The following FAM168A variants were observed in gnomAD, a reference collection of about 807,000 sequenced individuals.
FAM168A encodes the protein protein FAM168A.
Under a neutral mutation model 28.5 loss-of-function variants are expected in FAM168A, and 3 were observed. The ratio of observed to expected loss-of-function variants is 0.11; its 90% CI spans 0.05 to 0.27. The LOEUF (loss-of-function observed/expected upper bound fraction) is 0.27. FAM168A is among the 10% of genes least tolerant of loss of function. The pLI is 1.00. For synonymous variants in FAM168A, 122 were observed against 124.2 expected, an observed-to-expected ratio of 0.98 and a Z score of 0.12; for missense variants, 222 against 311.5, an observed-to-expected ratio of 0.71 and a Z score of 2.16.
At chr11:73,545,051 A>ATAATTATAT (rs1943727742) in intron 1 of FAM168A, among the ~76,000 whole-genome samples, 1 of 106,098 alleles carries the variant, frequency 9.4e-6, no homozygotes, top group African/African-American at 4.4e-5. Flanking sequence ...TTTTGGAGAC[A>ATAATTATAT]GTCTCCCTCT....
chr11:73,511,170 T>C (rs1380793654), intron 1 of FAM168A, among the ~76,000 whole-genome samples: 1 of 151,704 alleles, frequency 6.6e-6, no homozygotes, highest in East Asian at 1.9e-4. Context: ...GCCTTCTCAA[T>C]TGTCAGGTTT....
chr11:73,424,647 T>C (rs1027726396), intron 3 of FAM168A, among the ~76,000 whole-genome samples: 1 of 152,126 alleles, frequency 6.6e-6, no homozygotes, highest in Non-Finnish European at 1.5e-5. Context: ...GACTAGTTTT[T>C]TGGGTTCTAA....
intron 1 of FAM168A, among the ~76,000 whole-genome samples, chr11:73,584,508 C>A (rs926084781): frequency 7.0e-6 from 1 of 143,510 alleles, no homozygotes; most frequent in African/African-American, 2.6e-5. Flanking sequence ...GAGTCTTGCT[C>A]CGTCACCCAG....
Position 73,483,004 on chromosome 11 carries a change from T to A in FAM168A, c.-18-14512A>T, listed in dbSNP as rs147959131. On this transcript the variant is annotated intron_variant, in intron 1 of 7. Transcript: ENST00000356467. ...ATCTGCCCACCTCAGCCTCCCAAAG[T>A]GCTGGAATTATTTGGCGCACCCAGC... 1.4e-3 allele frequency among the ~76,000 whole-genome samples: 213 copies of A among 152,284 alleles called. 3 individuals are homozygous for A. The East Asian group carries it at 0.024, about 17-fold the overall frequency.
At chr11:73,457,407 A>G (rs1026945528) in intron 2 of FAM168A, among the ~76,000 whole-genome samples, 1 of 151,850 alleles carries the variant, frequency 6.6e-6, no homozygotes, top group Non-Finnish European at 1.5e-5. Context: ...AAAAAAAAAG[A>G]AACAGGAAGA....
At chr11:73,484,320 T>C (rs1224052866) in intron 1 of FAM168A, among the ~76,000 whole-genome samples, 2 of 152,062 alleles carry the variant, frequency 1.3e-5, no homozygotes, top group Admixed American at 6.6e-5. Context: ...TGAGCTTTCA[T>C]AGTCCTTACA....
At chr11:73,544,738 ATAAT>A (rs1490948928) in intron 1 of FAM168A, among the ~76,000 whole-genome samples, 1 of 123,694 alleles carries the variant, frequency 8.1e-6, no homozygotes, top group African/African-American at 3.1e-5. Context: ...GTAATTATAT[ATAAT>A]TATATATTTT....
chr11:73,568,124 CATGAGTATAT>C (rs1944043590), intron 1 of FAM168A, among the ~76,000 whole-genome samples: 1 of 152,100 alleles, frequency 6.6e-6, no homozygotes, highest in African/African-American at 2.4e-5. Context: ...GAGGAACATC[CATGAGTATAT>C]ATGCACATGC....
intron 1 of FAM168A, among the ~76,000 whole-genome samples, chr11:73,481,208 C>T (rs1056278672): frequency 2.0e-5 from 3 of 152,196 alleles, no homozygotes; most frequent in Non-Finnish European, 4.4e-5. Context: ...CACGTGCCAC[C>T]ATGCACAGCT....
chr11:73,449,256 C>A (rs1867381954), intron 2 of FAM168A, among the ~76,000 whole-genome samples: 1 of 152,188 alleles, frequency 6.6e-6, no homozygotes, highest in East Asian at 1.9e-4. Context: ...AGGCATGAGG[C>A]ACCGCACCTG....
intron 1 of FAM168A, among the ~76,000 whole-genome samples, chr11:73,593,238 G>A (rs1287642331): frequency 6.6e-6 from 1 of 152,110 alleles, no homozygotes; most frequent in Non-Finnish European, 1.5e-5. Flanking sequence ...AGGCTTTAAA[G>A]GTACTAGAAA....
chr11:73,445,419 C>CTCTTTTTTTTTTTTTTTTTTT (rs776745757), intron 2 of FAM168A, among the ~76,000 whole-genome samples: 2 of 50,432 alleles, frequency 4.0e-5, no homozygotes, highest in African/African-American at 1.4e-4. Flanking sequence ...AAAAATGTCT[C>CTCTTTTTTTTTTTTTTTTTTT]TTTTTTTTTT....
chr11:73,496,909 A>ACACACACACACACACACACACACG (rs1565271121), intron 1 of FAM168A, among the ~76,000 whole-genome samples: 5 of 147,304 alleles, frequency 3.4e-5, no homozygotes, highest in African/African-American at 1.2e-4. Context: ...ACACACACGC[A>ACACACACACACACACACACACACG]CACACACGCA....
Position 73,444,111 on chromosome 11 carries a change from T to C in FAM168A, c.71-13341A>G, listed in dbSNP as rs139072490. 1.5e-4 allele frequency among the ~76,000 whole-genome samples: 23 copies of C among 152,310 alleles called. No homozygotes were observed. The East Asian group carries it at 2.9e-3, about 19-fold the overall frequency. On this transcript the variant is annotated intron_variant, in intron 2 of 7. Coordinates refer to ENST00000356467, the MANE Select transcript of FAM168A (RefSeq NM_015159.3). ...GTACCATTTACCAGACATAATATCA[T>C]AGAAAAGTCCCTTTACCTAATCCTC...
intron 1 of FAM168A, among the ~76,000 whole-genome samples, chr11:73,540,550 T>G (rs751807939): frequency 6.6e-6 from 1 of 152,154 alleles, no homozygotes; most frequent in Non-Finnish European, 1.5e-5. Flanking sequence ...TTCCACAAAA[T>G]GCACCTGGCT....
chr11:73,527,745 A>G (rs1486507076), intron 1 of FAM168A, among the ~76,000 whole-genome samples: 1 of 151,898 alleles, frequency 6.6e-6, no homozygotes, highest in East Asian at 1.9e-4. Flanking sequence ...ATACCACTAC[A>G]CCACCTTTCC....
At chr11:73,531,939 G>A (rs896022791) in intron 1 of FAM168A, among the ~76,000 whole-genome samples, 2 of 150,030 alleles carry the variant, frequency 1.3e-5, no homozygotes, top group Admixed American at 1.3e-4. Context: ...CAGGTAGCTG[G>A]AACCACAGGC....
chr11:73,424,883 G>C (rs888631190), intron 3 of FAM168A: 3 of 626,334 alleles, frequency 4.8e-6, no homozygotes, highest in Admixed American at 3.5e-5. Context: ...GCATGCTTTA[G>C]GAACTGCTGC....
intron 1 of FAM168A, among the ~76,000 whole-genome samples, chr11:73,468,891 A>G (rs562615320): frequency 3.9e-5 from 6 of 152,322 alleles, no homozygotes; most frequent in African/African-American, 9.6e-5. Flanking sequence ...TCTAATTCCA[A>G]TGTTGTTAGT....
Sources: allele counts gnomAD v4.1 joint callset (sites outside exome capture counted in the v4.1 genomes callset), GRCh38; gene constraint gnomAD v4.1.1; transcripts MANE v1.5; gene names NCBI Gene and HGNC (gene_info 2026-07-23, HGNC 2026-07-21).